TLK2: variants seen among roughly 807,000 people sequenced by gnomAD.
TLK2 encodes the protein serine/threonine-protein kinase tousled-like 2.
Under a neutral mutation model 117.3 loss-of-function variants are expected in TLK2, and 6 were observed. The observed-to-expected ratio is 0.05, with a 90% CI of 0.03 to 0.10. The LOEUF is 0.10. Among genes scored for constraint, TLK2 ranks in the 10% least tolerant of loss-of-function variants. The probability of loss-of-function intolerance (pLI) is 1.00; values close to 1 mark genes in which losing one functional copy is unlikely to be tolerated. For synonymous variants in TLK2, 257 were observed against 316.7 expected, an observed-to-expected ratio of 0.81 and a Z score of 2.00; for missense variants, 299 against 901.2, an observed-to-expected ratio of 0.33 and a Z score of 8.56.
chr17:62,508,626 T>G (rs1349823406), intron 2 of TLK2: 3 of 903,564 alleles, frequency 3.3e-6, no homozygotes, highest in African/African-American at 1.8e-5. Flanking sequence ...AATGAATAAA[T>G]AATTTCAAAG....
chr17:62,524,771 A>G (rs1369755630), intron 6 of TLK2, among the ~76,000 whole-genome samples: 3 of 152,352 alleles, frequency 2.0e-5, no homozygotes, highest in East Asian at 3.8e-4. Flanking sequence ...TCCAGCCTGT[A>G]AAAGAGATCT....
At chr17:62,511,990 C>T (rs1288490536) in intron 2 of TLK2, among the ~76,000 whole-genome samples, 2 of 151,948 alleles carry the variant, frequency 1.3e-5, no homozygotes, top group Non-Finnish European at 2.9e-5. Context: ...TAAAAGAAAC[C>T]GTCAAAAAAG....
At chr17:62,484,517 C>T (rs1357658571) in intron 2 of TLK2, among the ~76,000 whole-genome samples, 1 of 151,378 alleles carries the variant, frequency 6.6e-6, no homozygotes, top group East Asian at 2.0e-4. Context: ...AGGCTGGTCT[C>T]GAAATCCTGA....
chr17:62,477,453 GAACT>G (rs541136626), upstream of TLK2: 31 of 152,332 alleles, frequency 2.0e-4, 1 homozygote, highest in East Asian at 5.6e-3. Flanking sequence ...GAAGGTTGGA[GAACT>G]AACAAAAAGC....
chr17:62,516,561 C>G, intron 2 of TLK2: 1 of 1,609,458 alleles, frequency 6.2e-7, no homozygotes, highest in Non-Finnish European at 8.5e-7. Context: ...TGGTAAGGTA[C>G]CAGTAGAAAT....
rs2081593863 is a variant in TLK2, at chr17:62,586,203, T to C, written c.1437T>C (p.Asp479=). 6.2e-7 allele frequency: 1 copy of C among 1,613,108 alleles called. No individual in the cohort carries two copies. Among genetic ancestry groups the C allele is most frequent in the African/African-American group, 1.3e-5 (1 of 74,902 alleles). Residue 479 remains aspartate, a synonymous_variant, in exon 16 of 22, where the codon GAT becomes GAC. Transcript: ENST00000346027. The part of the protein sequence containing the change: ...KIHQLNKNWR[D]EKKENYHKHA... ...ACCAGTTAAATAAAAACTGGAGAGA[T>C]GAGAAAAAGGAGAATTACCACAAGT...
At chr17:62,586,016 G>C in intron 15 of TLK2, 119 bp from the exon 16 acceptor site, 1 of 683,812 alleles carries the variant, frequency 1.5e-6, no homozygotes, top group South Asian at 2.2e-5. Context: ...ATAAGTATGT[G>C]ATGTATTTAA....
At chr17:62,509,976 T>C (rs1258972943) in intron 2 of TLK2, among the ~76,000 whole-genome samples, 1 of 152,158 alleles carries the variant, frequency 6.6e-6, no homozygotes, top group Non-Finnish European at 1.5e-5. Context: ...TAAATTTCTG[T>C]TTTTCATAAA....
intron 2 of TLK2, among the ~76,000 whole-genome samples, chr17:62,500,329 A>C (rs1468091811): frequency 1.3e-5 from 2 of 152,108 alleles, no homozygotes; most frequent in Non-Finnish European, 2.9e-5. Flanking sequence ...AAGTATAAAA[A>C]AGCTAGAGTG....
chr17:62,583,898 TC>T (rs2081397999), intron 15 of TLK2, among the ~76,000 whole-genome samples: 1 of 151,722 alleles, frequency 6.6e-6, no homozygotes, highest in African/African-American at 2.4e-5. Context: ...ATTTCTGAAA[TC>T]TAAATACTTC....
chr17:62,589,917 C>G (rs2146970977), intron 16 of TLK2, among the ~76,000 whole-genome samples: 1 of 151,904 alleles, frequency 6.6e-6, no homozygotes, highest in Middle Eastern at 3.4e-3. Context: ...CGCCATTCTC[C>G]TGCCTCAGCC....
chr17:62,577,638 G>A (rs964633734), intron 13 of TLK2, among the ~76,000 whole-genome samples: 3 of 152,188 alleles, frequency 2.0e-5, no homozygotes, highest in Non-Finnish European at 4.4e-5. Flanking sequence ...CTCTTTATAG[G>A]TGATAATGGT....
At chr17:62,481,540 A>G (rs540079051) in intron 2 of TLK2, among the ~76,000 whole-genome samples, 1 of 152,352 alleles carries the variant, frequency 6.6e-6, no homozygotes, top group Non-Finnish European at 1.5e-5. Flanking sequence ...AAAGAAAATT[A>G]CAAGGCATTG....
intron 12 of TLK2, 44 bp from the exon 13 acceptor site, chr17:62,576,663 CTA>C (rs760969402): frequency 3.5e-5 from 51 of 1,440,752 alleles, no homozygotes; most frequent in Non-Finnish European, 4.6e-5. Flanking sequence ...AACAGGCAAA[CTA>C]TGATTTCTAG....
rs376536622 is a variant in TLK2, at chr17:62,612,359, C to A, written c.2080-33C>A. ...TTCCCTCCAGGGGTGCCAAGACTAT[C>A]TGCCTCTGTCTTCAAGAAACTCTCC... On this transcript the variant is annotated intron_variant, in intron 21 of 21. Transcript: ENST00000346027. 1.5e-5 allele frequency: 24 copies of A among 1,601,594 alleles called. No individual in the cohort carries two copies. The African/African-American group carries it at 2.9e-4, about 20-fold the overall frequency.
intron 19 of TLK2, among the ~76,000 whole-genome samples, chr17:62,604,012 T>G (rs944136527): frequency 6.5e-5 from 9 of 139,046 alleles, no homozygotes; most frequent in Admixed American, 4.2e-4. Flanking sequence ...ATTTATTTAT[T>G]TATTTATTTG....
At chr17:62,563,246 A>G (rs1236531749) in intron 10 of TLK2, among the ~76,000 whole-genome samples, 2 of 152,194 alleles carry the variant, frequency 1.3e-5, no homozygotes, top group Non-Finnish European at 2.9e-5. Context: ...TCACATATAT[A>G]AGGAAACCTA....
chr17:62,513,734 G>A (rs1287292663), intron 2 of TLK2, among the ~76,000 whole-genome samples: 1 of 152,080 alleles, frequency 6.6e-6, no homozygotes, highest in Non-Finnish European at 1.5e-5. Flanking sequence ...TGTCACCCAG[G>A]CTAGAGTACA....
intron 21 of TLK2, 132 bp downstream of exon 21, chr17:62,608,280 TTAATGTTCC>T: frequency 1.4e-6 from 1 of 698,606 alleles, no homozygotes; most frequent in East Asian, 2.8e-5. Flanking sequence ...TAGGCATGAA[TTAATGTTCC>T]TAAGAACACT....
Sources: gnomAD v4.1 joint callset for allele counts (sites outside exome capture counted in the v4.1 genomes callset) on GRCh38, gnomAD v4.1.1 for gene constraint, MANE v1.5 for transcripts, NCBI Gene and HGNC (gene_info 2026-07-23, HGNC 2026-07-21) for gene names.